Variants in FMN1 observed in about 807,000 individuals in gnomAD.
The protein encoded by FMN1 is formin-1.
FMN1 carries 110 observed loss-of-function variants against 132.4 expected under a neutral mutation model. The observed-to-expected ratio is 0.83, with a 90% CI of 0.71 to 0.97. The LOEUF is 0.97. Among genes scored for constraint, FMN1 ranks in the 50% least tolerant of loss-of-function variants. The pLI is 0.00. For synonymous variants in FMN1, 722 were observed against 651.7 expected (o/e 1.11, Z -1.64); for missense variants, 1,792 against 1,705.3 (o/e 1.05, Z -0.90).
At chr15:32,955,371 T>C (rs1212956496) in intron 9 of FMN1, among the ~76,000 whole-genome samples, 1 of 152,202 alleles carries the variant, frequency 6.6e-6, no homozygotes, top group Non-Finnish European at 1.5e-5. Flanking sequence ...ACTTACAAGT[T>C]CACCTTCAAA....
At chr15:33,097,062 G>A (rs1029396223) in intron 4 of FMN1, among the ~76,000 whole-genome samples, 4 of 152,136 alleles carry the variant, frequency 2.6e-5, no homozygotes, top group Non-Finnish European at 4.4e-5. Flanking sequence ...GGGAGGCCGA[G>A]GTGGGTGGAT....
rs2039543951 is a variant in FMN1, at chr15:33,107,804, A to G, written c.1868-18830T>C. Among the ~76,000 whole-genome samples, 3 of 152,142 alleles carry G rather than the reference A, an allele frequency of 2.0e-5. No individual in the cohort carries two copies. In the South Asian group the frequency reaches 6.2e-4, roughly 31 times the overall value. On this transcript the variant is annotated intron_variant, in intron 4 of 20. Transcript: ENST00000616417. ...ATCAACTCTAGCAATGCAAGATATC[A>G]GATCTGGTTTTCTTCTGTATATAGG...
chr15:32,798,867 T>G lies in FMN1; in HGVS notation c.4067A>C (p.Tyr1356Ser). The G allele has an allele frequency of 6.2e-7, 1 of 1,613,684 alleles. No homozygotes were observed. The highest frequency in any genetic ancestry group is 8.5e-7 in the Non-Finnish European group (1 of 1,179,710). ...ITPSYVFMVW[Y>S]EFCSDFKTIW... ...TGTCTTGAAGTCACTGCAGAACTCATACCACACCATAAACACGTAGCTGGG... is the reference window on the plus strand; with the variant it reads ...TGTCTTGAAGTCACTGCAGAACTCAGACCACACCATAAACACGTAGCTGGG... The change falls in exon 19 of 21, where the codon TAT becomes TCT. Residue 1356 changes from tyrosine to serine, a missense_variant. By Grantham distance (144) the Tyr-to-Ser change is moderately radical. Coordinates refer to ENST00000616417, the MANE Select transcript of FMN1 (RefSeq NM_001277313.2).
At chr15:32,860,862 C>T (rs2059252586) in intron 16 of FMN1, 1 of 152,154 alleles carries the variant, frequency 6.6e-6, no homozygotes, top group Non-Finnish European at 1.5e-5. Flanking sequence ...ATGTCCACCA[C>T]CTCATCCCAT....
At position 32,968,885 on chromosome 15, in the gene FMN1, G is replaced by C. The variant is rs992472802; in HGVS notation, c.2816C>G (p.Pro939Arg). ...PLPNSPAPPNPGGPPPAPPPP... is the reference protein window; with the variant it reads ...PLPNSPAPPNRGGPPPAPPPP... ...TGGTGGAGCAGGAGGAGGCCCTCCA[G>C]GGTTGGGTGGGGCAGGGGAGTTAGG... The change falls in exon 8 of 21, where the codon CCT becomes CGT. Residue 939 changes from proline (P) to arginine (R), a missense_variant. By Grantham distance (103) the Pro-to-Arg change is moderately radical. Transcript: ENST00000616417. The C allele has an allele frequency of 4.0e-6, 4 of 1,008,342 alleles. No homozygotes were observed. The African/African-American group carries it at 5.0e-5, about 12-fold the overall frequency. 62.5% of individuals were successfully genotyped at this position (1,008,342 alleles called of 1,614,324 possible).
intron 16 of FMN1, among the ~76,000 whole-genome samples, chr15:32,868,016 G>A (rs2059432735): frequency 6.6e-6 from 1 of 152,168 alleles, no homozygotes; most frequent in Admixed American, 6.5e-5. Flanking sequence ...CCAGTTAAAG[G>A]GGAGAAACTT....
chr15:33,067,945 T>C, intron 5 of FMN1: 1 of 1,536,038 alleles, frequency 6.5e-7, no homozygotes, highest in Non-Finnish European at 8.7e-7. Context: ...CGCTCTCAGT[T>C]TATCCACTCC....
At chr15:32,943,147 G>A (rs895870348) in intron 9 of FMN1, among the ~76,000 whole-genome samples, 1 of 152,112 alleles carries the variant, frequency 6.6e-6, no homozygotes, top group Non-Finnish European at 1.5e-5. Context: ...AATCTGAAAC[G>A]TTTCTGGTCT....
intron 16 of FMN1, among the ~76,000 whole-genome samples, chr15:32,858,991 G>A (rs888893656): frequency 1.3e-5 from 2 of 152,180 alleles, no homozygotes; most frequent in Non-Finnish European, 2.9e-5. Context: ...ATAGAGCTGG[G>A]ATATATTTTG....
At chr15:32,987,411 T>A (rs567302106) in intron 7 of FMN1, among the ~76,000 whole-genome samples, 2 of 152,246 alleles carry the variant, frequency 1.3e-5, no homozygotes, top group Non-Finnish European at 2.9e-5. Context: ...ACAAACTACT[T>A]CACACTCTAA....
intron 9 of FMN1, among the ~76,000 whole-genome samples, chr15:32,959,586 G>C (rs573039879): frequency 6.6e-6 from 1 of 152,154 alleles, no homozygotes; most frequent in African/African-American, 2.4e-5. Flanking sequence ...ACAAGTGCAC[G>C]GATTCCATGG....
intron 10 of FMN1, among the ~76,000 whole-genome samples, chr15:32,921,117 G>A (rs1195362927): frequency 1.3e-5 from 2 of 152,156 alleles, no homozygotes; most frequent in Non-Finnish European, 2.9e-5. Context: ...TAGTTGCTGT[G>A]AAGGAAATAA....
intron 5 of FMN1, among the ~76,000 whole-genome samples, chr15:33,069,442 T>C (rs539614761): frequency 1.3e-5 from 2 of 152,278 alleles, no homozygotes; most frequent in Non-Finnish European, 2.9e-5. Flanking sequence ...TGAGCAAAGG[T>C]CCAAGAAGAT....
At chr15:33,035,750 C>T (rs541185256) in intron 6 of FMN1, among the ~76,000 whole-genome samples, 5 of 152,294 alleles carry the variant, frequency 3.3e-5, no homozygotes, top group African/African-American at 1.2e-4. Context: ...AATGTATTTA[C>T]TATGTGCTAT....
At chr15:33,109,419 G>C (rs771679963) in intron 4 of FMN1, among the ~76,000 whole-genome samples, 9 of 152,062 alleles carry the variant, frequency 5.9e-5, no homozygotes, top group Non-Finnish European at 1.3e-4. Flanking sequence ...ATTCACAATA[G>C]CAAAGACAGG....
intron 7 of FMN1, among the ~76,000 whole-genome samples, chr15:32,994,232 T>TCTCTCTCTCACACA (rs904998781): frequency 5.4e-5 from 2 of 37,200 alleles, no homozygotes; most frequent in African/African-American, 1.1e-4. Context: ...TCTCTCTCTC[T>TCTCTCTCTCACACA]CACACACACA....
intron 6 of FMN1, among the ~76,000 whole-genome samples, chr15:33,019,488 T>C (rs2035293154): frequency 6.6e-6 from 1 of 152,210 alleles, no homozygotes; most frequent in Non-Finnish European, 1.5e-5. Flanking sequence ...GTGCGACTCC[T>C]CAGCCCTTGG....
At chr15:32,797,301 G>A (rs1046706120) in intron 19 of FMN1, among the ~76,000 whole-genome samples, 1 of 152,146 alleles carries the variant, frequency 6.6e-6, no homozygotes, top group Admixed American at 6.5e-5. Flanking sequence ...AATATACTAA[G>A]GACTGTGCTC....
rs960956896 is a variant in FMN1 at position 32,771,090 on chromosome 15, T to G, written c.*3220A>C. 2 of 150,462 alleles carry G rather than the reference T, an allele frequency of 1.3e-5. No individual in the cohort carries two copies. The highest frequency in any genetic ancestry group is 3.0e-5 in the Non-Finnish European group (2 of 67,618). The allele number at this position is 150,462 out of a possible 1,614,324, so 9.3% of individuals were successfully genotyped here. Reference sequence around the variant, plus strand: ...TTTGATACTTCATGGGCCTGATGCTTTTTTTTTTGAAACGGAGTCTCACTG... The same window carrying G: ...TTTGATACTTCATGGGCCTGATGCTGTTTTTTTTGAAACGGAGTCTCACTG... On this transcript the variant is annotated 3_prime_UTR_variant, in exon 21 of 21. Transcript: ENST00000616417.
Sources: gnomAD v4.1 joint callset for allele counts (sites outside exome capture counted in the v4.1 genomes callset) on GRCh38, gnomAD v4.1.1 for gene constraint, MANE v1.5 for transcripts, NCBI Gene and HGNC (gene_info 2026-07-23, HGNC 2026-07-21) for gene names.